TRAF3IP1: variants seen among roughly 807,000 people sequenced by gnomAD.
The protein encoded by TRAF3IP1 is TRAF3-interacting protein 1.
In TRAF3IP1, 53 loss-of-function variants were observed where a neutral mutation model predicts 89.9. The observed-to-expected ratio is 0.59, with a 90% CI of 0.47 to 0.74. The LOEUF (loss-of-function observed/expected upper bound fraction) is 0.74. TRAF3IP1 is among the 30% of genes least tolerant of loss of function. TRAF3IP1 has a pLI of 0.00. For missense variants in TRAF3IP1, 806 were observed against 866.1 expected, an observed-to-expected ratio of 0.93 and a Z score of 0.87; for synonymous variants, 311 against 322.1, an observed-to-expected ratio of 0.97 and a Z score of 0.37.
chr2:238,376,793 CTGTT>C (rs990773263), intron 15 of TRAF3IP1, among the ~76,000 whole-genome samples: 17 of 152,340 alleles, frequency 1.1e-4, no homozygotes, highest in African/African-American at 4.1e-4. Context: ...TCATTTAAAA[CTGTT>C]TGCTTTAAAC....
At chr2:238,383,668 C>A (rs1700640765) in intron 15 of TRAF3IP1, among the ~76,000 whole-genome samples, 1 of 152,238 alleles carries the variant, frequency 6.6e-6, no homozygotes, top group Non-Finnish European at 1.5e-5. Flanking sequence ...CAACATCTTT[C>A]TGTCCCATAC....
At chr2:238,359,076 T>G (rs1487852162) in intron 15 of TRAF3IP1, among the ~76,000 whole-genome samples, 3 of 152,200 alleles carry the variant, frequency 2.0e-5, no homozygotes, top group African/African-American at 7.2e-5. Flanking sequence ...AAAACGTACT[T>G]TACAAAAACA....
intron 3 of TRAF3IP1, among the ~76,000 whole-genome samples, 182 bp from the exon 4 acceptor site, chr2:238,328,504 T>G (rs960168453): frequency 1.3e-5 from 2 of 152,248 alleles, no homozygotes; most frequent in Non-Finnish European, 2.9e-5. Flanking sequence ...AAGTAATAGT[T>G]ATCAAGATAT....
In TRAF3IP1 at chr2:238,349,460, G is replaced by A. The variant is rs1163892364; in HGVS notation, c.1451+52G>A. ...CAGCCACACAGTGTGTTCTCCAGTG[G>A]GCATGGTGCCTCCGCTAAGAGAAGG... On this transcript the variant is annotated intron_variant, in intron 12 of 16. Transcript: ENST00000373327. The A allele has an allele frequency of 1.4e-5, 22 of 1,559,432 alleles. No individual in the cohort carries two copies. The East Asian group carries it at 4.3e-4, about 30-fold the overall frequency.
At chr2:238,383,573 A>T (rs1379226055) in intron 15 of TRAF3IP1, among the ~76,000 whole-genome samples, 1 of 152,100 alleles carries the variant, frequency 6.6e-6, no homozygotes, top group Non-Finnish European at 1.5e-5. Flanking sequence ...CTGAGATGAA[A>T]AATCTTGCCC....
intron 15 of TRAF3IP1, among the ~76,000 whole-genome samples, chr2:238,380,410 C>T (rs559214324): frequency 2.6e-5 from 4 of 152,306 alleles, no homozygotes; most frequent in Admixed American, 1.3e-4. Flanking sequence ...TCCTCTCCCC[C>T]GGGTCCCTGA....
chr2:238,374,921 G>A (rs1431826613), intron 15 of TRAF3IP1, among the ~76,000 whole-genome samples: 1 of 152,140 alleles, frequency 6.6e-6, no homozygotes, highest in South Asian at 2.1e-4. Flanking sequence ...TTGTGTAGAG[G>A]TGTTTATAGT....
chr2:238,354,231 G>C (rs912200670), intron 14 of TRAF3IP1, among the ~76,000 whole-genome samples: 23 of 152,154 alleles, frequency 1.5e-4, no homozygotes, highest in Non-Finnish European at 2.4e-4. Flanking sequence ...TAGCTTCCTT[G>C]TTTTCTGATA....
At position 238,352,967 on chromosome 2, in the gene TRAF3IP1, A is replaced by G. The variant is rs2106327309; in HGVS notation, c.1575+17A>G. On this transcript the variant is annotated intron_variant, in intron 13 of 16. Transcript: ENST00000373327. ...ATTGAAATGGTTAGTTAACCGAAAT[A>G]TGATGTTTTTTAATAATAATGTTTT... 1.2e-6 allele frequency: 2 copies of G among 1,600,412 alleles called. No homozygotes were observed. Among genetic ancestry groups the G allele is most frequent in the East Asian group, 2.2e-5 (1 of 44,766 alleles).
chr2:238,329,308 A>G lies in TRAF3IP1; in HGVS notation c.881A>G (p.Glu294Gly). The G allele has an allele frequency of 2.1e-6, 3 of 1,422,844 alleles. No individual in the cohort carries two copies. Among genetic ancestry groups the G allele is most frequent in the Non-Finnish European group, 2.8e-6 (3 of 1,083,550 alleles). 88.1% of individuals were successfully genotyped at this position (1,422,844 alleles called of 1,614,324 possible). The part of the protein sequence containing the change: ...NGEHSWDLDR[E>G]KNREHDKPEK... ...GAGCACTCCTGGGACCTGGACAGGGAGAAGAACAGAGAGCATGACAAACCT... is the reference window on the plus strand; with the variant it reads ...GAGCACTCCTGGGACCTGGACAGGGGGAAGAACAGAGAGCATGACAAACCT... Residue 294 changes from glutamate to glycine, a missense_variant, in exon 5 of 17, where the codon GAG becomes GGG. By Grantham distance (98) the Glu-to-Gly change is moderately conservative. Transcript: ENST00000373327.
intron 8 of TRAF3IP1, among the ~76,000 whole-genome samples, chr2:238,340,328 C>T (rs1228344501): frequency 1.3e-5 from 2 of 152,194 alleles, no homozygotes; most frequent in African/African-American, 4.8e-5. Flanking sequence ...ATGAGCTGGT[C>T]CTCACAGTAC....
chr2:238,339,581 A>G (rs1267090231), intron 8 of TRAF3IP1, among the ~76,000 whole-genome samples: 2 of 152,242 alleles, frequency 1.3e-5, no homozygotes, highest in African/African-American at 4.8e-5. Context: ...CTCTGAGGCC[A>G]CAGGGATGAC....
chr2:238,368,098 C>G (rs952562263), intron 15 of TRAF3IP1, among the ~76,000 whole-genome samples: 5 of 152,152 alleles, frequency 3.3e-5, no homozygotes, highest in African/African-American at 1.2e-4. Context: ...TAGTTCCCAT[C>G]TATTATTCCT....
At chr2:238,321,191 C>CT (rs1697520955) in intron 1 of TRAF3IP1, among the ~76,000 whole-genome samples, 1 of 152,100 alleles carries the variant, frequency 6.6e-6, no homozygotes, top group Non-Finnish European at 1.5e-5. Context: ...CAGGAGCATT[C>CT]TTACTTCTTC....
At chr2:238,398,392 C>T (rs539630048) in intron 16 of TRAF3IP1, among the ~76,000 whole-genome samples, 28 of 62,076 alleles carry the variant, frequency 4.5e-4, no homozygotes, top group African/African-American at 6.9e-4. Context: ...AGGGGTGTAG[C>T]GGAGTGGGGC....
chr2:238,345,434 G>T lies in TRAF3IP1; in HGVS notation c.1261+836G>T, dbSNP rs1042046608. ...AAGGGGCTGTATAAACCAAGATCCC[G>T]GCTGGGATGCGACTGCAGCAGGGCT... On this transcript the variant is annotated intron_variant, in intron 9 of 16. Coordinates refer to ENST00000373327, the MANE Select transcript of TRAF3IP1 (RefSeq NM_015650.4). This position sits in a 1 kb window ranked among gnomAD's most constrained non-coding sequence, Gnocchi z 4.7. 6.6e-6 allele frequency among the ~76,000 whole-genome samples: 1 copy of T among 152,218 alleles called. No individual in the cohort carries two copies. Among genetic ancestry groups the T allele is most frequent in the Non-Finnish European group, 1.5e-5 (1 of 68,032 alleles).
rs1387520662 is a variant in TRAF3IP1 at position 238,400,456 on chromosome 2, C to A, written c.*1537C>A. On this transcript the variant is annotated 3_prime_UTR_variant, in exon 17 of 17. Transcript: ENST00000373327. ...GTTGGGTTTTTCTTCATACAATTTC[C>A]AAAATAAATTCTGTACTCAGGTTGT... The A allele has an allele frequency of 6.6e-6, 1 of 152,156 alleles. No individual in the cohort carries two copies. Among genetic ancestry groups the A allele is most frequent in the Non-Finnish European group, 1.5e-5 (1 of 68,034 alleles). 9.4% of individuals were successfully genotyped at this position (152,156 alleles called of 1,614,324 possible). A position where few individuals can be genotyped will look rare whatever the true frequency, so the allele number is the denominator to read the frequency against.
At chr2:238,364,517 T>C (rs1699794162) in intron 15 of TRAF3IP1, among the ~76,000 whole-genome samples, 2 of 152,086 alleles carry the variant, frequency 1.3e-5, no homozygotes, top group South Asian at 4.1e-4. Context: ...GAGGATGCTT[T>C]AGGCTAATGG....
intron 15 of TRAF3IP1, among the ~76,000 whole-genome samples, chr2:238,395,145 C>G (rs994895550): frequency 6.6e-6 from 1 of 151,998 alleles, no homozygotes; most frequent in African/African-American, 2.4e-5. Context: ...GCAGGAGGAT[C>G]ACTTGAGCCC....
Sources: allele counts gnomAD v4.1 joint callset (sites outside exome capture counted in the v4.1 genomes callset), GRCh38; gene constraint gnomAD v4.1.1; non-coding constraint Gnocchi (gnomAD v3.1); transcripts MANE v1.5; gene names NCBI Gene and HGNC (gene_info 2026-07-23, HGNC 2026-07-21).